Variants in ZBTB7C observed in about 807,000 individuals in gnomAD.
ZBTB7C encodes zinc finger and BTB domain-containing protein 7C.
ZBTB7C carries 8 observed loss-of-function variants against 25.7 expected under a neutral mutation model. The observed-to-expected ratio is 0.31, with a 90% CI of 0.18 to 0.56. ZBTB7C has a LOEUF of 0.56. Among genes scored for constraint, ZBTB7C ranks in the 20% least tolerant of loss-of-function variants. The pLI is 0.91. For missense variants in ZBTB7C, 824 were observed against 855.2 expected, an observed-to-expected ratio of 0.96 and a Z score of 0.46; for synonymous variants, 394 against 369.0, an observed-to-expected ratio of 1.07 and a Z score of -0.78.
At chr18:48,369,298 T>C (rs1328860319) in intron 1 of ZBTB7C, among the ~76,000 whole-genome samples, 1 of 151,544 alleles carries the variant, frequency 6.6e-6, no homozygotes, top group African/African-American at 2.4e-5. Context: ...AAAAATAAAC[T>C]AAAAAATATA....
intron 1 of ZBTB7C, among the ~76,000 whole-genome samples, chr18:48,338,912 G>T (rs903484650): frequency 2.0e-5 from 1 of 49,978 alleles, no homozygotes; most frequent in African/African-American, 7.3e-5. Context: ...GTAGTTTGTT[G>T]GGGGGGGGGG....
At chr18:48,071,251 A>G (rs965264897) in intron 3 of ZBTB7C, among the ~76,000 whole-genome samples, 3 of 152,216 alleles carry the variant, frequency 2.0e-5, no homozygotes, top group African/African-American at 7.2e-5. Flanking sequence ...TGATGACATT[A>G]GAGTCTCTAA....
chr18:48,316,552 G>C (rs999204665), intron 2 of ZBTB7C, among the ~76,000 whole-genome samples: 1 of 152,274 alleles, frequency 6.6e-6, no homozygotes, highest in African/African-American at 2.4e-5. Context: ...GAATGGCTTG[G>C]TGCCATGCCC....
In ZBTB7C at chr18:48,040,259, G is replaced by A; in HGVS notation, c.849C>T (p.Val283=). ...QPMDSGPLDL[V]IKNRKIKEEE... ...CCTCCTTGATCTTCCGATTCTTGATGACCAGATCCAGTGGCCCACTGTCCA... is the reference window on the plus strand; with the variant it reads ...CCTCCTTGATCTTCCGATTCTTGATAACCAGATCCAGTGGCCCACTGTCCA... The change falls in exon 4 of 5, where the codon GTC becomes GTT. Residue 283 remains valine (V), a synonymous_variant. Coordinates refer to ENST00000590800, the MANE Select transcript of ZBTB7C (RefSeq NM_001318841.2). The A allele has an allele frequency of 6.4e-7, 1 of 1,561,586 alleles. No homozygotes were observed. Among genetic ancestry groups the A allele is most frequent in the Non-Finnish European group, 8.6e-7 (1 of 1,156,526 alleles).
intron 2 of ZBTB7C, among the ~76,000 whole-genome samples, chr18:48,268,189 C>A (rs530176082): frequency 6.6e-6 from 1 of 152,178 alleles, no homozygotes; most frequent in African/African-American, 2.4e-5. Context: ...TCCAACGGCA[C>A]GCTTTTCATA....
intron 1 of ZBTB7C, among the ~76,000 whole-genome samples, chr18:48,393,323 C>T (rs2047947003): frequency 6.8e-6 from 1 of 147,718 alleles, no homozygotes; most frequent in South Asian, 2.2e-4. Flanking sequence ...CTCCCTTCTG[C>T]AGGGAAGGTG....
At position 48,139,624 on chromosome 18, in the gene ZBTB7C, CT is replaced by C. The variant is rs149944723; in HGVS notation, c.-17+46309del. Among the ~76,000 whole-genome samples, 1,030 of 152,318 alleles carry C rather than the reference CT, an allele frequency of 6.8e-3. 11 individuals carry two copies. The highest frequency in any genetic ancestry group is 0.024 in the African/African-American group (987 of 41,572). Reference sequence around the variant, plus strand: ...CAGTGAATGCCACTCCTCCCTCCCCCTAATCACTGTGTGTGTGTGCCCTGCT... The same window carrying C: ...CAGTGAATGCCACTCCTCCCTCCCCCAATCACTGTGTGTGTGTGCCCTGCT... On this transcript the variant is annotated intron_variant, in intron 3 of 4. Coordinates refer to ENST00000590800, the MANE Select transcript of ZBTB7C (RefSeq NM_001318841.2).
At chr18:48,050,365 C>G (rs958509745) in intron 3 of ZBTB7C, among the ~76,000 whole-genome samples, 2 of 152,122 alleles carry the variant, frequency 1.3e-5, no homozygotes, top group Admixed American at 6.5e-5. Flanking sequence ...CTGGGCAGGG[C>G]TACTTCAACT....
intron 3 of ZBTB7C, among the ~76,000 whole-genome samples, chr18:48,048,163 A>C (rs906097457): frequency 5.9e-5 from 9 of 152,050 alleles, no homozygotes; most frequent in African/African-American, 1.7e-4. Flanking sequence ...AGGAGTATGG[A>C]GTGCAAATGA....
chr18:48,406,046 T>C (rs1352855287), intron 1 of ZBTB7C, among the ~76,000 whole-genome samples: 5 of 152,154 alleles, frequency 3.3e-5, no homozygotes, highest in Admixed American at 3.3e-4. Context: ...CTGCTATAGA[T>C]GGTTCCAGAC....
At chr18:48,296,832 G>A (rs889084147) in intron 2 of ZBTB7C, among the ~76,000 whole-genome samples, 1 of 152,022 alleles carries the variant, frequency 6.6e-6, no homozygotes, top group Non-Finnish European at 1.5e-5. Flanking sequence ...AGAGCCATGA[G>A]AGTCTCACAG....
intron 2 of ZBTB7C, among the ~76,000 whole-genome samples, chr18:48,228,191 A>C (rs1214847739): frequency 1.3e-5 from 2 of 152,162 alleles, no homozygotes; most frequent in Non-Finnish European, 2.9e-5. Flanking sequence ...GACTGCAGGC[A>C]ATAAATAGCA....
chr18:48,359,480 G>A (rs573421504), intron 1 of ZBTB7C, among the ~76,000 whole-genome samples: 1 of 152,204 alleles, frequency 6.6e-6, no homozygotes, highest in Admixed American at 6.5e-5. Context: ...AACATGACAG[G>A]TACAATGCCA....
chr18:48,139,658 A>G (rs1283320717), intron 3 of ZBTB7C, among the ~76,000 whole-genome samples: 1 of 151,944 alleles, frequency 6.6e-6, no homozygotes, highest in African/African-American at 2.4e-5. Flanking sequence ...GCTGGGACAC[A>G]CCCTTCAGAA....
At chr18:48,267,125 C>A (rs2044338834) in intron 2 of ZBTB7C, among the ~76,000 whole-genome samples, 2 of 152,158 alleles carry the variant, frequency 1.3e-5, no homozygotes, top group African/African-American at 2.4e-5. Flanking sequence ...TGCTGTAGGT[C>A]AAGTTGGATC....
intron 3 of ZBTB7C, among the ~76,000 whole-genome samples, chr18:48,063,307 C>A (rs1034257219): frequency 2.6e-5 from 4 of 152,188 alleles, no homozygotes; most frequent in African/African-American, 9.7e-5. Context: ...GGGGCTTTTC[C>A]CCCCCAGCTT....
intron 3 of ZBTB7C, among the ~76,000 whole-genome samples, chr18:48,068,735 C>A (rs1007148544): frequency 3.9e-5 from 6 of 152,182 alleles, no homozygotes; most frequent in African/African-American, 1.4e-4. Flanking sequence ...TTTGGGCAGG[C>A]TCCTGGCATC....
chr18:48,077,856 C>T (rs552066276), intron 3 of ZBTB7C, among the ~76,000 whole-genome samples: 1 of 152,180 alleles, frequency 6.6e-6, no homozygotes, highest in East Asian at 1.9e-4. Context: ...CTGAGGAGAC[C>T]CACCAAGAGC....
At chr18:48,283,553 C>T (rs2044938054) in intron 2 of ZBTB7C, among the ~76,000 whole-genome samples, 1 of 152,128 alleles carries the variant, frequency 6.6e-6, no homozygotes, top group Non-Finnish European at 1.5e-5. Flanking sequence ...CTTAGGGCCT[C>T]CTCTCAGAAC....
Sources: allele counts gnomAD v4.1 joint callset (sites outside exome capture counted in the v4.1 genomes callset), GRCh38; gene constraint gnomAD v4.1.1; transcripts MANE v1.5; gene names NCBI Gene and HGNC (gene_info 2026-07-23, HGNC 2026-07-21).